The following ZNF385D variants were observed in gnomAD, a reference collection of about 807,000 sequenced individuals.
ZNF385D encodes zinc finger protein 659.
Under a neutral mutation model 35.8 loss-of-function variants are expected in ZNF385D, and 15 were observed. The observed-to-expected ratio is 0.42, with a 90% CI of 0.28 to 0.64. The LOEUF (loss-of-function observed/expected upper bound fraction) is 0.64. ZNF385D is among the 30% of genes least tolerant of loss of function. The pLI is 0.23. For synonymous variants in ZNF385D, 212 were observed against 186.8 expected (o/e 1.13, Z -1.10); for missense variants, 474 against 494.6 (o/e 0.96, Z 0.39).
intron 3 of ZNF385D, among the ~76,000 whole-genome samples, chr3:21,542,329 G>T (rs1342734942): frequency 7.3e-6 from 1 of 137,500 alleles, no homozygotes; most frequent in East Asian, 2.3e-4. Flanking sequence ...GAGATTCCTG[G>T]GTTTTTCTTC....
intron 4 of ZNF385D, among the ~76,000 whole-genome samples, chr3:21,454,911 G>T (rs1028695214): frequency 6.6e-6 from 1 of 152,140 alleles, no homozygotes; most frequent in Non-Finnish European, 1.5e-5. Context: ...CAAAATCAAT[G>T]TGCAAAAATC....
chr3:21,976,313 C>G (rs967346592), intron 3 of ZNF385D, among the ~76,000 whole-genome samples: 1 of 152,048 alleles, frequency 6.6e-6, no homozygotes, highest in African/African-American at 2.4e-5. Context: ...CTACATGTGA[C>G]ACAAATACTA....
At chr3:21,733,147 T>A (rs763017924) in intron 1 of ZNF385D, among the ~76,000 whole-genome samples, 7 of 152,190 alleles carry the variant, frequency 4.6e-5, no homozygotes, top group Non-Finnish European at 8.8e-5. Context: ...TTGAAAAGAC[T>A]TTTTCCATTA....
At chr3:22,264,714 T>A (rs948186423) in intron 2 of ZNF385D, among the ~76,000 whole-genome samples, 3 of 151,952 alleles carry the variant, frequency 2.0e-5, no homozygotes, top group Non-Finnish European at 4.4e-5. Flanking sequence ...GGTACACCAA[T>A]TAGGTGATTA....
chr3:21,735,287 T>C (rs757606121), intron 1 of ZNF385D, among the ~76,000 whole-genome samples: 1 of 152,170 alleles, frequency 6.6e-6, no homozygotes. Context: ...AACAAGACGA[T>C]GAACCAATGA....
intron 4 of ZNF385D, among the ~76,000 whole-genome samples, chr3:21,470,304 A>G (rs1038117452): frequency 2.0e-5 from 3 of 152,160 alleles, no homozygotes; most frequent in African/African-American, 4.8e-5. Flanking sequence ...AGGTAGCTTC[A>G]GGAAAGCAGG....
At chr3:22,180,063 G>T (rs912870556) in intron 2 of ZNF385D, among the ~76,000 whole-genome samples, 1 of 152,076 alleles carries the variant, frequency 6.6e-6, no homozygotes, top group East Asian at 1.9e-4. Flanking sequence ...GAAGAAAAGA[G>T]AGAATAATCA....
chr3:22,330,022 T>C (rs1490191978), intron 2 of ZNF385D, among the ~76,000 whole-genome samples: 2 of 152,212 alleles, frequency 1.3e-5, no homozygotes, highest in Non-Finnish European at 2.9e-5. Flanking sequence ...TATTGCTTAA[T>C]GGCTTTTTTG....
chr3:21,726,024 T>C (rs529769210), intron 1 of ZNF385D, among the ~76,000 whole-genome samples: 1 of 152,204 alleles, frequency 6.6e-6, no homozygotes, highest in East Asian at 1.9e-4. Context: ...TGGTTCAACA[T>C]ACACAAATCA....
At chr3:22,132,951 G>A (rs1379041188) in intron 3 of ZNF385D, among the ~76,000 whole-genome samples, 3 of 152,076 alleles carry the variant, frequency 2.0e-5, no homozygotes, top group Admixed American at 2.0e-4. Context: ...GATTCAGACT[G>A]TGTAAACACT....
intron 2 of ZNF385D, among the ~76,000 whole-genome samples, chr3:22,329,887 ATG>A (rs1347983927): frequency 6.6e-6 from 1 of 152,204 alleles, no homozygotes. Context: ...GAAATATGGT[ATG>A]TGTTTTACAC....
chr3:21,706,613 A>G (rs1054374891), intron 1 of ZNF385D, among the ~76,000 whole-genome samples: 5 of 152,182 alleles, frequency 3.3e-5, no homozygotes, highest in African/African-American at 1.2e-4. Context: ...ATCAGAAGTG[A>G]TCAAGGACCA....
chr3:22,288,763 T>C (rs1702149899), intron 2 of ZNF385D, among the ~76,000 whole-genome samples: 1 of 152,160 alleles, frequency 6.6e-6, no homozygotes, highest in Non-Finnish European at 1.5e-5. Flanking sequence ...TTGGAACATA[T>C]TTCCCTTTTT....
intron 3 of ZNF385D, among the ~76,000 whole-genome samples, chr3:21,813,260 G>C (rs890131219): frequency 6.6e-6 from 1 of 152,186 alleles, no homozygotes; most frequent in African/African-American, 2.4e-5. Flanking sequence ...GCACAGAAAA[G>C]CTGAAAATTC....
At chr3:21,559,072 TGA>T (rs1160829734) in intron 3 of ZNF385D, among the ~76,000 whole-genome samples, 1 of 150,572 alleles carries the variant, frequency 6.6e-6, no homozygotes, top group Non-Finnish European at 1.5e-5. Flanking sequence ...TTTTTACACA[TGA>T]GAGTCTCCTG....
At chr3:21,850,599 G>A (rs1696321766) in intron 3 of ZNF385D, among the ~76,000 whole-genome samples, 2 of 152,100 alleles carry the variant, frequency 1.3e-5, no homozygotes, top group African/African-American at 4.8e-5. Context: ...ACTTCCCCAA[G>A]CCAGAAAAGA....
At chr3:22,064,596 C>G (rs1025094257) in intron 3 of ZNF385D, among the ~76,000 whole-genome samples, 1 of 152,132 alleles carries the variant, frequency 6.6e-6, no homozygotes, top group Admixed American at 6.6e-5. Flanking sequence ...CAATGGATTG[C>G]TATTCAACCT....
intron 3 of ZNF385D, among the ~76,000 whole-genome samples, chr3:22,072,385 G>A (rs566486057): frequency 6.6e-6 from 1 of 152,086 alleles, no homozygotes; most frequent in Admixed American, 6.6e-5. Flanking sequence ...TCAATGTTTT[G>A]GTTATATAAG....
At chr3:21,491,091 A>G (rs1179177854) in intron 4 of ZNF385D, among the ~76,000 whole-genome samples, 1 of 130,080 alleles carries the variant, frequency 7.7e-6, no homozygotes, top group East Asian at 2.2e-4. Flanking sequence ...ATTGCTATCA[A>G]GGAGCTTTCA....
Sources: allele counts gnomAD v4.1 joint callset (sites outside exome capture counted in the v4.1 genomes callset), GRCh38; gene constraint gnomAD v4.1.1; transcripts MANE v1.5; gene names NCBI Gene and HGNC (gene_info 2026-07-23, HGNC 2026-07-21).